PDE10A: variants seen among roughly 807,000 people sequenced by gnomAD.
PDE10A encodes the protein phosphodiesterase 10A.
Under a neutral mutation model 97.7 loss-of-function variants are expected in PDE10A, and 39 were observed. That is an observed-to-expected ratio of 0.40 (90% confidence interval 0.31 to 0.52). PDE10A has a LOEUF of 0.52. PDE10A is among the 20% of genes least tolerant of loss of function. The pLI, the probability that PDE10A is intolerant of heterozygous loss-of-function variation, is 0.56. For missense variants in PDE10A, 731 were observed against 1,047.8 expected (o/e 0.70, Z 4.17); for synonymous variants, 371 against 376.8 (o/e 0.98, Z 0.18).
intron 2 of PDE10A, among the ~76,000 whole-genome samples, chr6:165,519,978 C>G (rs1469169539): frequency 1.3e-5 from 2 of 152,108 alleles, no homozygotes; most frequent in Non-Finnish European, 2.9e-5. Context: ...TTCAGAAAAT[C>G]AAGTAAGTGG....
At chr6:165,852,103 CT>C (rs796974764) in intron 1 of PDE10A, among the ~76,000 whole-genome samples, 2 of 152,122 alleles carry the variant, frequency 1.3e-5, no homozygotes, top group South Asian at 2.1e-4. Context: ...CCCCCTTTCT[CT>C]TTTTTCTACG....
At chr6:165,383,277 T>C (rs1481872720) in intron 17 of PDE10A, among the ~76,000 whole-genome samples, 2 of 152,196 alleles carry the variant, frequency 1.3e-5, no homozygotes, top group Non-Finnish European at 2.9e-5. Context: ...AGAAAAAGTA[T>C]AGTTTCAATG....
intron 1 of PDE10A, among the ~76,000 whole-genome samples, chr6:165,604,545 T>C (rs536714882): frequency 3.5e-4 from 51 of 147,256 alleles, no homozygotes; most frequent in African/African-American, 9.7e-4. Flanking sequence ...AGTGTTACTA[T>C]ACTGTCAAAA....
chr6:165,566,259 A>C (rs1174018457), intron 1 of PDE10A, among the ~76,000 whole-genome samples: 1 of 152,246 alleles, frequency 6.6e-6, no homozygotes, highest in East Asian at 1.9e-4. Context: ...TGATTATTAA[A>C]AGTCCAAAAC....
At chr6:165,791,315 T>C (rs1237057264) in intron 1 of PDE10A, among the ~76,000 whole-genome samples, 1 of 152,100 alleles carries the variant, frequency 6.6e-6, no homozygotes, top group Non-Finnish European at 1.5e-5. Context: ...AATTTGTCTT[T>C]CTGTGTCCTC....
intron 1 of PDE10A, among the ~76,000 whole-genome samples, chr6:165,733,200 C>T (rs1338429391): frequency 6.6e-6 from 1 of 152,228 alleles, no homozygotes; most frequent in African/African-American, 2.4e-5. Context: ...AGCCATGTTC[C>T]ACCCAGACCT....
rs143809959 is a variant in PDE10A, at chr6:165,732,281, A to G, written c.-614-188713T>C. On this transcript the variant is annotated intron_variant, in intron 1 of 19. Coordinates refer to the PDE10A transcript ENST00000366882. ...ATGATAACCTGGCCGTCTTTCACCT[A>G]TTTTACCACCTCTCTTTCGGGATTC... 1.2e-4 allele frequency among the ~76,000 whole-genome samples: 19 copies of G among 152,260 alleles called. 1 individual carries two copies. Among genetic ancestry groups the G allele is most frequent in the African/African-American group, 4.6e-4 (19 of 41,558 alleles).
At chr6:165,338,416 C>T (rs901923069) in intron 20 of PDE10A, among the ~76,000 whole-genome samples, 1 of 152,146 alleles carries the variant, frequency 6.6e-6, no homozygotes, top group Non-Finnish European at 1.5e-5. Context: ...AGACAGTTAA[C>T]GAAAGCCATA....
chr6:165,702,777 C>T (rs1479503920), intron 1 of PDE10A, among the ~76,000 whole-genome samples: 1 of 152,156 alleles, frequency 6.6e-6, no homozygotes, highest in African/African-American at 2.4e-5. Context: ...AAGAAGGGAT[C>T]CTGCAGTTCC....
In PDE10A at chr6:165,331,726, A is replaced by G. The variant is rs550606956; in HGVS notation, c.*1299T>C. ...TTATCATCTTTGTAGGAAGGGGTGC[A>G]GAGTATTACTTTCGTATTTTTTAAA... On this transcript the variant is annotated 3_prime_UTR_variant, in exon 22 of 22. Transcript: ENST00000539869. 1.3e-5 allele frequency: 2 copies of G among 151,732 alleles called. No homozygotes were observed. The highest frequency in any genetic ancestry group is 4.2e-4 in the South Asian group (2 of 4,814). 9.4% of individuals were successfully genotyped at this position (151,732 alleles called of 1,614,324 possible).
intron 10 of PDE10A, among the ~76,000 whole-genome samples, chr6:165,427,148 A>G (rs1028258747): frequency 2.0e-5 from 3 of 152,158 alleles, no homozygotes; most frequent in Non-Finnish European, 4.4e-5. Context: ...GCATTCAAAC[A>G]AAAACGTGTA....
At chr6:165,669,753 G>T (rs1036709897) in intron 1 of PDE10A, among the ~76,000 whole-genome samples, 2 of 152,110 alleles carry the variant, frequency 1.3e-5, no homozygotes, top group Non-Finnish European at 2.9e-5. Flanking sequence ...TATTGTGCTT[G>T]TCCTGCCCTA....
chr6:165,408,237 T>C (rs1284498310), intron 13 of PDE10A, among the ~76,000 whole-genome samples: 1 of 152,244 alleles, frequency 6.6e-6, no homozygotes, highest in African/African-American at 2.4e-5. Context: ...AAGCACTTCA[T>C]GCTGCACAAA....
chr6:165,496,062 G>A (rs1562520901), intron 2 of PDE10A, among the ~76,000 whole-genome samples: 1 of 152,002 alleles, frequency 6.6e-6, no homozygotes, highest in East Asian at 1.9e-4. Flanking sequence ...TAAAAAAAGG[G>A]TGGTTGCGGC....
At chr6:165,372,821 TC>T (rs1252535988) in intron 18 of PDE10A, among the ~76,000 whole-genome samples, 1 of 147,704 alleles carries the variant, frequency 6.8e-6, no homozygotes, top group East Asian at 2.0e-4. Context: ...CTACCTGACT[TC>T]AAAGTATACT....
intron 3 of PDE10A, among the ~76,000 whole-genome samples, chr6:165,454,804 A>C (rs1231849006): frequency 1.3e-5 from 2 of 152,244 alleles, no homozygotes; most frequent in Non-Finnish European, 2.9e-5. Context: ...GGCGCAGACT[A>C]TTGACATATT....
intron 6 of PDE10A, among the ~76,000 whole-genome samples, chr6:165,434,039 G>A (rs12194306): frequency 0.2 from 15,589 of 78,620 alleles, 2,087 homozygotes; most frequent in African/African-American, 0.4. Flanking sequence ...AAAAAAAAAA[G>A]AAGTAGTACA....
intron 1 of PDE10A, among the ~76,000 whole-genome samples, chr6:165,879,992 C>A (rs1041817787): frequency 6.6e-6 from 1 of 151,606 alleles, no homozygotes; most frequent in Admixed American, 6.6e-5. Context: ...CCATTATGAT[C>A]CATGAAGCCC....
At chr6:165,689,428 A>T (rs1395504004) in intron 1 of PDE10A, among the ~76,000 whole-genome samples, 1 of 152,166 alleles carries the variant, frequency 6.6e-6, no homozygotes, top group Non-Finnish European at 1.5e-5. Context: ...GTTCCCCCAG[A>T]TCTCATGAGG....
Sources: gnomAD v4.1 joint callset for allele counts (sites outside exome capture counted in the v4.1 genomes callset) on GRCh38, gnomAD v4.1.1 for gene constraint, MANE v1.5 for transcripts, NCBI Gene and HGNC (gene_info 2026-07-23, HGNC 2026-07-21) for gene names.